Variants in PARD3 observed in about 807,000 individuals in gnomAD.
The protein encoded by PARD3 is partitioning defective 3 homolog.
Under a neutral mutation model 155.4 loss-of-function variants are expected in PARD3, and 75 were observed. The ratio of observed to expected loss-of-function variants is 0.48; its 90% CI spans 0.40 to 0.58. The LOEUF (loss-of-function observed/expected upper bound fraction) is 0.58. Ranked by LOEUF, PARD3 falls within the 20% of genes least tolerant of loss-of-function variation. PARD3 has a pLI of 0.00. For synonymous variants in PARD3, 576 were observed against 610.5 expected (o/e 0.94, Z 0.83); for missense variants, 1,642 against 1,721.7 (o/e 0.95, Z 0.82).
At chr10:34,240,498 T>A (rs768548196) in intron 22 of PARD3, among the ~76,000 whole-genome samples, 1 of 152,226 alleles carries the variant, frequency 6.6e-6, no homozygotes, top group Non-Finnish European at 1.5e-5. Flanking sequence ...TATTTTTGTA[T>A]TCAATGATAA....
At chr10:34,687,959 G>T (rs1015165706) in intron 2 of PARD3, among the ~76,000 whole-genome samples, 1 of 139,272 alleles carries the variant, frequency 7.2e-6, no homozygotes, top group Non-Finnish European at 1.5e-5. Flanking sequence ...GGCTCAATGC[G>T]ATCCTCCCAC....
At chr10:34,192,604 C>T (rs1950762665) in intron 22 of PARD3, among the ~76,000 whole-genome samples, 1 of 152,144 alleles carries the variant, frequency 6.6e-6, no homozygotes, top group South Asian at 2.1e-4. Flanking sequence ...CTCTTCTGTC[C>T]CTGGCACAGC....
intron 5 of PARD3, among the ~76,000 whole-genome samples, chr10:34,435,363 G>T (rs901334140): frequency 5.9e-5 from 9 of 152,100 alleles, no homozygotes; most frequent in African/African-American, 2.2e-4. Context: ...TATATCCAAA[G>T]ACACAGAATT....
intron 2 of PARD3, among the ~76,000 whole-genome samples, chr10:34,528,415 C>T (rs773945): frequency 0.2 from 29,803 of 152,096 alleles, 7,101 homozygotes; most frequent in African/African-American, 0.57. Context: ...CTCATTCTAC[C>T]ACCACAAGGT....
chr10:34,753,390 T>C (rs1477388675), intron 1 of PARD3, among the ~76,000 whole-genome samples: 4 of 152,182 alleles, frequency 2.6e-5, no homozygotes, highest in African/African-American at 9.7e-5. Context: ...AAGACACCAA[T>C]TCATTTCGTC....
chr10:34,463,860 T>C (rs1774741), intron 4 of PARD3, among the ~76,000 whole-genome samples: 77,597 of 152,018 alleles, frequency 0.51, 23,248 homozygotes, highest in African/African-American at 0.84. Context: ...GTCCCAGCTG[T>C]GTATTCAGTA....
At chr10:34,238,992 C>T (rs1953412278) in intron 22 of PARD3, among the ~76,000 whole-genome samples, 1 of 152,050 alleles carries the variant, frequency 6.6e-6, no homozygotes, top group African/African-American at 2.4e-5. Flanking sequence ...TTTAAGAGCA[C>T]TGACATATTT....
At chr10:34,288,179 C>T (rs1411078275) in intron 20 of PARD3, among the ~76,000 whole-genome samples, 1 of 152,028 alleles carries the variant, frequency 6.6e-6, no homozygotes, top group Admixed American at 6.5e-5. Flanking sequence ...CCACTGCACT[C>T]CAGCCTGGGT....
At chr10:34,716,593 T>TC (rs200257700) in intron 1 of PARD3, among the ~76,000 whole-genome samples, 9 of 140,472 alleles carry the variant, frequency 6.4e-5, no homozygotes, top group African/African-American at 1.1e-4. Flanking sequence ...TTCTTTTTTT[T>TC]TTTTTTTTTT....
At chr10:34,126,129 C>A (rs187780557) in intron 23 of PARD3, among the ~76,000 whole-genome samples, 1 of 152,320 alleles carries the variant, frequency 6.6e-6, no homozygotes, top group Admixed American at 6.5e-5. Context: ...GTTGCCTTTT[C>A]TTCTTCTCTT....
intron 17 of PARD3, 75 bp from the exon 18 acceptor site, chr10:34,336,318 CT>C: frequency 9.1e-7 from 1 of 1,101,374 alleles, no homozygotes. Context: ...ATTCCCAGAT[CT>C]TTTTAGTTAG....
chr10:34,286,283 C>T (rs1476206924), intron 20 of PARD3, among the ~76,000 whole-genome samples: 1 of 152,150 alleles, frequency 6.6e-6, no homozygotes, highest in Non-Finnish European at 1.5e-5. Flanking sequence ...TTTGGGACAC[C>T]CAGGCTATAA....
chr10:34,531,252 G>T (rs925454556), intron 2 of PARD3, among the ~76,000 whole-genome samples: 1 of 151,918 alleles, frequency 6.6e-6, no homozygotes, highest in African/African-American at 2.4e-5. Context: ...CATTAAAACC[G>T]TGTTTAGGCA....
intron 2 of PARD3, among the ~76,000 whole-genome samples, chr10:34,604,882 TAA>T (rs1217249421): frequency 6.6e-6 from 1 of 151,882 alleles, no homozygotes; most frequent in Non-Finnish European, 1.5e-5. Flanking sequence ...GATCAATATA[TAA>T]GTTTACATTT....
rs535301211 is a variant in PARD3, at chr10:34,342,556, T to TA, written c.2219-741dup. On this transcript the variant is annotated intron_variant, in intron 15 of 24. Transcript: ENST00000374788. The stretch of plus-strand genomic sequence containing the variant: ...CAGGTGAAACTTAAAAGATGAGTAT[T>TA]ACCAAAAACAAAGCCTAGAAAAGGA... Among the ~76,000 whole-genome samples the TA allele has an allele frequency of 8.5e-4, 129 of 152,244 alleles. 2 individuals carry two copies. The South Asian group carries it at 0.021, about 25-fold the overall frequency.
At chr10:34,378,696 T>C (rs1030490882) in intron 9 of PARD3, among the ~76,000 whole-genome samples, 2 of 152,174 alleles carry the variant, frequency 1.3e-5, no homozygotes, top group Non-Finnish European at 2.9e-5. Context: ...CACCTAAATC[T>C]TACCATGTAT....
At chr10:34,427,503 C>G (rs1326223553) in intron 5 of PARD3, among the ~76,000 whole-genome samples, 1 of 152,158 alleles carries the variant, frequency 6.6e-6, no homozygotes, top group Admixed American at 6.5e-5. Context: ...AGATGTTTAT[C>G]AATGACAATG....
intron 24 of PARD3, among the ~76,000 whole-genome samples, chr10:34,117,082 T>C (rs1483758728): frequency 6.6e-6 from 1 of 152,164 alleles, no homozygotes; most frequent in East Asian, 1.9e-4. Context: ...GGGACCCAAG[T>C]GCCCCTTCTC....
intron 1 of PARD3, among the ~76,000 whole-genome samples, chr10:34,808,836 C>T (rs990513412): frequency 6.6e-6 from 1 of 150,464 alleles, no homozygotes; most frequent in African/African-American, 2.5e-5. Flanking sequence ...AAGCGCTTCA[C>T]ATCCGCCAGA....
Sources: gnomAD v4.1 joint callset for allele counts (sites outside exome capture counted in the v4.1 genomes callset) on GRCh38, gnomAD v4.1.1 for gene constraint, MANE v1.5 for transcripts, NCBI Gene and HGNC (gene_info 2026-07-23, HGNC 2026-07-21) for gene names.